The following WDR93 variants were observed in gnomAD, a reference collection of about 807,000 sequenced individuals.
The protein encoded by WDR93 is WD repeat domain 93.
A neutral mutation model predicts 82.9 loss-of-function variants in WDR93; 73 were observed. The observed-to-expected ratio is 0.88, with a 90% confidence interval of 0.73 to 1.07. The LOEUF is 1.07. WDR93 is among the 50% of genes least tolerant of loss of function. The pLI is 0.00. For missense variants in WDR93, 738 were observed against 826.0 expected (o/e 0.89, Z 1.31); for synonymous variants, 283 against 300.1 (o/e 0.94, Z 0.59).
At chr15:89,715,353 C>T (rs1287205604) in intron 6 of WDR93, among the ~76,000 whole-genome samples, 1 of 152,174 alleles carries the variant, frequency 6.6e-6, no homozygotes, top group African/African-American at 2.4e-5. Context: ...CCAGGCATTT[C>T]TCTGGAAGGA....
At chr15:89,696,999 C>T (rs894578043) in intron 1 of WDR93, among the ~76,000 whole-genome samples, 1 of 151,998 alleles carries the variant, frequency 6.6e-6, no homozygotes, top group Non-Finnish European at 1.5e-5. Context: ...GACAAAGTCT[C>T]ACTCTGTTAC....
rs747485871 is a variant in WDR93, at chr15:89,729,682, G to C, written c.1124-1G>C. ...CTGTCTTTCCCCCGCCCCCCCACCA[G>C]GAATGGCCTGTGTCCTTGGTATACA... On this transcript the variant is annotated splice_acceptor_variant, in intron 10 of 16. Coordinates refer to ENST00000268130, the MANE Select transcript of WDR93 (RefSeq NM_020212.2). LOFTEE classifies it high-confidence loss of function. 3.1e-6 allele frequency: 5 copies of C among 1,611,810 alleles called. No individual in the cohort carries two copies. Among genetic ancestry groups the C allele is most frequent in the Non-Finnish European group, 4.2e-6 (5 of 1,179,382 alleles).
In WDR93 at chr15:89,733,066, T is replaced by A; in HGVS notation, c.1391T>A (p.Leu464Gln). Reference protein sequence around the residue: ...QGCFCQSIHFLKYFSVHKGQN... With the variant: ...QGCFCQSIHFQKYFSVHKGQN... ...TGTTTCTGCCAAAGCATTCACTTCC[T>A]AAAATATTTCTCGGTCCACAAAGGA... Residue 464 changes from leucine (L) to glutamine (Q), a missense_variant, in exon 13 of 17, where the codon CTA (leucine) becomes CAA (glutamine). Transcript: ENST00000268130. The A allele has an allele frequency of 6.2e-7, 1 of 1,614,204 alleles. No homozygotes were observed. The highest frequency in any genetic ancestry group is 8.5e-7 in the Non-Finnish European group (1 of 1,180,034).
rs1357971917 is a variant in WDR93 at position 89,743,345 on chromosome 15, T to C, written c.2015T>C (p.Leu672Pro). The stretch of plus-strand genomic sequence containing the variant: ...AAGGAGGAGGAGCACTGGGCCCGGC[T>C]TCAGAGGTACTCCTTGTCGCTCCAG... ...PEKEEEHWARLQRYSLSLQRE... is the reference protein window; with the variant it reads ...PEKEEEHWARPQRYSLSLQRE... Residue 672 changes from leucine to proline, a missense_variant, in exon 17 of 17, where the codon CTT (leucine) becomes CCT (proline). Physicochemically the swap from Leu to Pro is moderately conservative, Grantham distance 98 (BLOSUM62 -3). Coordinates refer to ENST00000268130, the MANE Select transcript of WDR93 (RefSeq NM_020212.2). 2.5e-6 allele frequency: 4 copies of C among 1,614,010 alleles called. No individual in the cohort carries two copies. Among genetic ancestry groups the C allele is most frequent in the African/African-American group, 1.3e-5 (1 of 74,898 alleles).
rs77441237 is a variant in WDR93, at chr15:89,736,317, T to G, written c.1608+764T>G. 3.3e-3 allele frequency among the ~76,000 whole-genome samples: 497 copies of G among 152,240 alleles called. 15 individuals carry two copies. In the East Asian group the frequency reaches 0.085, roughly 26 times the overall value. ...CAGGCCTGGAGAGAAAGTCTGTGAT[T>G]CCTGGTGTGGCCCTACGGAGGGTGA... is the stretch of plus-strand genomic sequence containing the variant. On this transcript the variant is annotated intron_variant, in intron 14 of 16. Coordinates refer to ENST00000268130, the MANE Select transcript of WDR93 (RefSeq NM_020212.2).
intron 5 of WDR93, among the ~76,000 whole-genome samples, chr15:89,712,726 G>A (rs1359695433): frequency 6.6e-6 from 1 of 152,086 alleles, no homozygotes; most frequent in Non-Finnish European, 1.5e-5. Flanking sequence ...ACTTCAAGTG[G>A]TGTCCGCCAG....
At chr15:89,731,625 C>G in intron 12 of WDR93, 63 bp downstream of exon 12, 1 of 1,603,818 alleles carries the variant, frequency 6.2e-7, no homozygotes, top group Non-Finnish European at 8.5e-7. Context: ...AGTCTGGGAG[C>G]TCTGGAATTC....
chr15:89,697,256 G>A (rs1052183771), intron 1 of WDR93, among the ~76,000 whole-genome samples: 2 of 152,064 alleles, frequency 1.3e-5, no homozygotes, highest in Non-Finnish European at 2.9e-5. Context: ...GCCACACCTG[G>A]CACTATTTTT....
intron 5 of WDR93, among the ~76,000 whole-genome samples, chr15:89,713,883 A>T (rs1966119658): frequency 1.3e-5 from 2 of 152,238 alleles, no homozygotes; most frequent in South Asian, 4.1e-4. Context: ...AGCTTAAAAC[A>T]ATAGATATTT....
intron 13 of WDR93, among the ~76,000 whole-genome samples, chr15:89,733,426 T>A (rs1966912806): frequency 6.6e-6 from 1 of 152,184 alleles, no homozygotes; most frequent in Non-Finnish European, 1.5e-5. Flanking sequence ...TGACATCTGC[T>A]ATGGTTTGAC....
At chr15:89,720,062 G>A (rs1359960588) in intron 7 of WDR93, among the ~76,000 whole-genome samples, 1 of 151,292 alleles carries the variant, frequency 6.6e-6, no homozygotes, top group East Asian at 2.0e-4. Flanking sequence ...GCCTCCCAAA[G>A]TGTTGGGATT....
intron 2 of WDR93, 137 bp downstream of exon 2, chr15:89,702,186 T>G: frequency 1.0e-6 from 1 of 998,076 alleles, no homozygotes; most frequent in Non-Finnish European, 1.4e-6. Context: ...ATTAGAAGCA[T>G]GCTGATGTTG....
intron 4 of WDR93, among the ~76,000 whole-genome samples, chr15:89,710,053 G>GGGA (rs1409967102): frequency 6.6e-6 from 1 of 152,208 alleles, no homozygotes; most frequent in East Asian, 1.9e-4. Flanking sequence ...CCAGCTACTT[G>GGGA]GGAGGCTGAG....
In WDR93 at chr15:89,722,075, A is replaced by T; in HGVS notation, c.816A>T (p.Lys272Asn). The T allele has an allele frequency of 6.2e-7, 1 of 1,609,148 alleles. No individual in the cohort carries two copies. The highest frequency in any genetic ancestry group is 8.5e-7 in the Non-Finnish European group (1 of 1,177,804). ...TTTAGGATGCAAATGTTAGTTTTAA[A>T]GGAGACATTAAATTGAGTCTTCCAG... ...PLEMDANVSF[K>N]GDIKLSLPVY... is the part of the protein sequence containing the mutation. The change falls in exon 8 of 17, where the codon AAA becomes AAT. Residue 272 changes from lysine (K) to asparagine (N), a missense_variant. Lys to Asn is a moderately conservative substitution (Grantham distance 94). Coordinates refer to ENST00000268130, the MANE Select transcript of WDR93 (RefSeq NM_020212.2).
At chr15:89,721,144 T>A (rs1966507760) in intron 7 of WDR93, 1 of 152,234 alleles carries the variant, frequency 6.6e-6, no homozygotes, top group African/African-American at 2.4e-5. Flanking sequence ...AGCTTTCTTT[T>A]GATTCATTTT....
Position 89,705,627 on chromosome 15 carries a change from C to T in WDR93, c.561+9C>T, listed in dbSNP as rs1373405715. On this transcript the variant is annotated intron_variant, in intron 4 of 16. Coordinates refer to ENST00000268130, the MANE Select transcript of WDR93 (RefSeq NM_020212.2). ...AAGCCATCAATGAAGTGGTGAGTTC[C>T]TATTCTTTCACCATTAGCTGGGCCA... The T allele has an allele frequency of 6.5e-6, 10 of 1,537,880 alleles. No individual in the cohort carries two copies. Among genetic ancestry groups the T allele is most frequent in the Non-Finnish European group, 9.0e-6 (10 of 1,111,190 alleles).
upstream of WDR93, chr15:89,690,798 G>A (rs753847809): frequency 7.1e-6 from 4 of 560,298 alleles, no homozygotes; most frequent in East Asian, 3.2e-5. Flanking sequence ...GCAACTTCGC[G>A]GACTTCCGGT....
intron 9 of WDR93, 54 bp from the exon 10 acceptor site, chr15:89,728,969 C>A: frequency 6.7e-7 from 1 of 1,493,606 alleles, no homozygotes; most frequent in Non-Finnish European, 9.3e-7. Flanking sequence ...CTGCCAGCAG[C>A]TCTCCTTGCC....
intron 10 of WDR93, 50 bp from the exon 11 acceptor site, chr15:89,729,633 T>G (rs112955948): frequency 2.9e-5 from 42 of 1,445,226 alleles, no homozygotes; most frequent in African/African-American, 1.7e-4. Context: ...CCACCCAGAT[T>G]TCCCCCTGTG....
Sources: allele counts gnomAD v4.1 joint callset (sites outside exome capture counted in the v4.1 genomes callset), GRCh38; gene constraint gnomAD v4.1.1; transcripts MANE v1.5; gene names NCBI Gene and HGNC (gene_info 2026-07-23, HGNC 2026-07-21).